The following SPTLC3 variants were observed in gnomAD, a reference collection of about 807,000 sequenced individuals.
SPTLC3 encodes the protein serine palmitoyltransferase 3.
SPTLC3 carries 36 observed loss-of-function variants against 59.3 expected under a neutral mutation model. The ratio of observed to expected loss-of-function variants is 0.61; its 90% CI spans 0.47 to 0.80. The LOEUF (loss-of-function observed/expected upper bound fraction) is 0.80, where lower values mean the gene tolerates loss of function less well. SPTLC3 is among the 30% of genes least tolerant of loss of function. The probability of loss-of-function intolerance (pLI) is 0.00; values close to 1 mark genes in which losing one functional copy is unlikely to be tolerated. For missense variants in SPTLC3, 625 were observed against 685.1 expected, an observed-to-expected ratio of 0.91 and a Z score of 0.98; for synonymous variants, 257 against 240.8, an observed-to-expected ratio of 1.07 and a Z score of -0.62.
At chr20:13,020,023 C>T (rs954979065) in intron 1 of SPTLC3, among the ~76,000 whole-genome samples, 1 of 152,106 alleles carries the variant, frequency 6.6e-6, no homozygotes, top group Non-Finnish European at 1.5e-5. Flanking sequence ...AGATTAGAAA[C>T]TTTGGCTCTG....
intron 4 of SPTLC3, among the ~76,000 whole-genome samples, chr20:13,077,753 T>C (rs529520269): frequency 2.0e-5 from 3 of 151,700 alleles, no homozygotes; most frequent in African/African-American, 7.2e-5. Flanking sequence ...GAATTTGAAA[T>C]AGTAATTTCT....
chr20:13,152,279 A>T (rs1372869466), intron 9 of SPTLC3, among the ~76,000 whole-genome samples: 1 of 152,182 alleles, frequency 6.6e-6, no homozygotes, highest in Non-Finnish European at 1.5e-5. Context: ...AGAGCTTATA[A>T]CAGTGGTGAC....
At chr20:13,055,663 T>C (rs1018710664) in intron 2 of SPTLC3, among the ~76,000 whole-genome samples, 2 of 152,218 alleles carry the variant, frequency 1.3e-5, no homozygotes, top group African/African-American at 4.8e-5. Context: ...AGCAATTTCT[T>C]ACATTTTATC....
At chr20:13,154,269 G>A (rs1027210532) in intron 10 of SPTLC3, 131 bp downstream of exon 10, 8 of 1,161,156 alleles carry the variant, frequency 6.9e-6, no homozygotes, top group South Asian at 3.1e-5. Context: ...ACGGCTTCTC[G>A]GAAGCCACCT....
At chr20:13,015,179 C>T (rs1267057098) in intron 1 of SPTLC3, among the ~76,000 whole-genome samples, 1 of 151,992 alleles carries the variant, frequency 6.6e-6, no homozygotes, top group East Asian at 1.9e-4. Context: ...AGAGCTTACC[C>T]ACTGTGTTTG....
chr20:13,074,333 A>G lies in SPTLC3; in HGVS notation c.459-16A>G, dbSNP rs1257121475. 1.2e-6 allele frequency: 2 copies of G among 1,612,700 alleles called. No individual in the cohort carries two copies. The highest frequency in any genetic ancestry group is 1.7e-6 in the Non-Finnish European group (2 of 1,179,304). On this transcript the variant is annotated splice_polypyrimidine_tract_variant and intron_variant, in intron 3 of 11. Coordinates refer to ENST00000399002, the MANE Select transcript of SPTLC3 (RefSeq NM_018327.4). Reference sequence around the variant, plus strand: ...TGGGGAGGGGATTATGTGCTCATTTACATGTTTCCCCACAGGTTTACTGGA... The same window carrying G: ...TGGGGAGGGGATTATGTGCTCATTTGCATGTTTCCCCACAGGTTTACTGGA...
At chr20:13,138,646 C>A (rs890469739) in intron 9 of SPTLC3, among the ~76,000 whole-genome samples, 4 of 152,158 alleles carry the variant, frequency 2.6e-5, no homozygotes, top group Non-Finnish European at 2.9e-5. Flanking sequence ...AATGTTATTT[C>A]TTTGGAGGTT....
At chr20:13,118,449 G>GAAAA (rs940467763) in intron 8 of SPTLC3, among the ~76,000 whole-genome samples, 7 of 128,146 alleles carry the variant, frequency 5.5e-5, no homozygotes, top group African/African-American at 1.2e-4. Context: ...GAGGTTTGTG[G>GAAAA]AAAAAAAAAA....
chr20:13,092,735 A>T (rs1989270149), intron 5 of SPTLC3, among the ~76,000 whole-genome samples: 1 of 152,204 alleles, frequency 6.6e-6, no homozygotes, highest in Middle Eastern at 3.2e-3. Flanking sequence ...AACTCAAAGC[A>T]TGCTGTATGT....
chr20:13,102,698 C>G (rs929286728), intron 6 of SPTLC3, among the ~76,000 whole-genome samples: 5 of 152,196 alleles, frequency 3.3e-5, no homozygotes, highest in South Asian at 2.1e-4. Flanking sequence ...ACACTGTTCC[C>G]TGAATCATGT....
intron 4 of SPTLC3, among the ~76,000 whole-genome samples, chr20:13,079,477 A>C (rs957558077): frequency 2.0e-5 from 3 of 152,210 alleles, no homozygotes; most frequent in African/African-American, 7.2e-5. Flanking sequence ...CATGGAAAAA[A>C]CAAAAACCAC....
At chr20:13,017,203 A>AT (rs775440162) in intron 1 of SPTLC3, among the ~76,000 whole-genome samples, 22 of 152,194 alleles carry the variant, frequency 1.4e-4, no homozygotes, top group Non-Finnish European at 3.1e-4. Context: ...CTTAATAAAA[A>AT]TTTTAGCTTA....
intron 1 of SPTLC3, among the ~76,000 whole-genome samples, chr20:13,030,089 G>A (rs535957471): frequency 2.7e-3 from 415 of 152,276 alleles, no homozygotes; most frequent in Non-Finnish European, 4.8e-3. Context: ...TCAGTCCACG[G>A]AGCTCAGCCA....
chr20:13,104,675 A>G (rs1989776126), intron 6 of SPTLC3, among the ~76,000 whole-genome samples: 1 of 152,198 alleles, frequency 6.6e-6, no homozygotes, highest in African/African-American at 2.4e-5. Context: ...ACACCAAGGC[A>G]TTATTAATGC....
At chr20:13,100,241 A>C (rs1184392974) in intron 6 of SPTLC3, among the ~76,000 whole-genome samples, 1 of 152,170 alleles carries the variant, frequency 6.6e-6, no homozygotes, top group African/African-American at 2.4e-5. Context: ...AGCCTGTGTA[A>C]ATAGGCTTGA....
chr20:13,032,691 T>C (rs6041778), intron 1 of SPTLC3, among the ~76,000 whole-genome samples: 7,469 of 152,176 alleles, frequency 0.049, 608 homozygotes, highest in African/African-American at 0.17. Context: ...AACACTCTGC[T>C]GGGGACTCAA....
chr20:13,031,843 T>C (rs1487377250), intron 1 of SPTLC3, among the ~76,000 whole-genome samples: 1 of 152,208 alleles, frequency 6.6e-6, no homozygotes, highest in Non-Finnish European at 1.5e-5. Context: ...CTAACTTTTA[T>C]GTTTCTTTCG....
At chr20:13,009,673 G>T (rs75719889) in intron 1 of SPTLC3, among the ~76,000 whole-genome samples, 4 of 152,184 alleles carry the variant, frequency 2.6e-5, no homozygotes, top group Admixed American at 2.6e-4. Context: ...CATTTTGCGG[G>T]GAGGGAAGAA....
At chr20:13,058,535 A>C (rs1987820307) in intron 2 of SPTLC3, among the ~76,000 whole-genome samples, 1 of 152,212 alleles carries the variant, frequency 6.6e-6, no homozygotes, top group Non-Finnish European at 1.5e-5. Flanking sequence ...TCTCACAGAT[A>C]TCCTGATTTA....
Sources: gnomAD v4.1 joint callset for allele counts (sites outside exome capture counted in the v4.1 genomes callset) on GRCh38, gnomAD v4.1.1 for gene constraint, MANE v1.5 for transcripts, NCBI Gene and HGNC (gene_info 2026-07-23, HGNC 2026-07-21) for gene names.